The following LAPTM4B variants were observed in gnomAD, a reference collection of about 807,000 sequenced individuals.
LAPTM4B encodes the protein lysosomal protein transmembrane 4 beta.
In LAPTM4B, 26 loss-of-function variants were observed where a neutral mutation model predicts 28.5. The observed-to-expected ratio is 0.91, with a 90% CI of 0.67 to 1.27. LAPTM4B has a LOEUF of 1.27. Ranked by LOEUF, LAPTM4B falls within the 50% of genes most tolerant of loss-of-function variation. The pLI is 0.00. For missense variants in LAPTM4B, 288 were observed against 285.8 expected (o/e 1.01, Z -0.06); for synonymous variants, 109 against 106.4 (o/e 1.02, Z -0.15).
At chr8:97,776,129 C>T in intron 1 of LAPTM4B, 21 bp downstream of exon 1, 1 of 1,487,894 alleles carries the variant, frequency 6.7e-7, no homozygotes, top group Non-Finnish European at 9.1e-7. Context: ...CGCGCCCGGC[C>T]CGGGACCCTG....
intron 6 of LAPTM4B, among the ~76,000 whole-genome samples, chr8:97,839,594 A>G (rs542859915): frequency 6.6e-6 from 1 of 152,310 alleles, no homozygotes; most frequent in South Asian, 2.1e-4. Context: ...AGAAGACTAC[A>G]CGAGCACTTG....
chr8:97,776,214 A>G, intron 1 of LAPTM4B, 106 bp downstream of exon 1: 2 of 1,248,906 alleles, frequency 1.6e-6, no homozygotes, highest in Non-Finnish European at 1.0e-6. Flanking sequence ...ATCCGCCTAA[A>G]GTTGTATTAT....
intron 1 of LAPTM4B, among the ~76,000 whole-genome samples, chr8:97,784,809 T>C (rs1306437926): frequency 6.6e-6 from 1 of 152,142 alleles, no homozygotes; most frequent in East Asian, 1.9e-4. Flanking sequence ...GGCAGTATGT[T>C]ATATATAGCT....
At chr8:97,826,729 G>A (rs142559493) in intron 6 of LAPTM4B, among the ~76,000 whole-genome samples, 171 of 152,182 alleles carry the variant, frequency 1.1e-3, no homozygotes, top group African/African-American at 3.8e-3. Flanking sequence ...GATTGGTCTC[G>A]AACTCCTGAC....
At chr8:97,793,948 C>A (rs2468014) in intron 1 of LAPTM4B, among the ~76,000 whole-genome samples, 58,755 of 151,998 alleles carry the variant, frequency 0.39, 13,496 homozygotes, top group Non-Finnish European at 0.52. Context: ...GCTAGGACTG[C>A]AGGCATACAC....
At chr8:97,828,726 G>C (rs1817131670) in intron 6 of LAPTM4B, among the ~76,000 whole-genome samples, 1 of 152,194 alleles carries the variant, frequency 6.6e-6, no homozygotes, top group African/African-American at 2.4e-5. Context: ...CTTGGGATTG[G>C]AGGACAGAAA....
intron 6 of LAPTM4B, among the ~76,000 whole-genome samples, chr8:97,827,124 T>TA (rs1468420651): frequency 6.6e-6 from 1 of 152,208 alleles, no homozygotes; most frequent in East Asian, 1.9e-4. Context: ...GAGGAGGCGA[T>TA]ACATAGGTTT....
rs1278812629 is a variant in LAPTM4B at position 97,828,385 on chromosome 8, T to G, written c.603+3232T>G. ...TCGAATTTAGTGATTAGTAATAGCT[T>G]GGATGCTGTTTTGTATGAACAGAGA... On this transcript the variant is annotated intron_variant, in intron 6 of 6. Transcript: ENST00000521545. 3.3e-5 allele frequency among the ~76,000 whole-genome samples: 5 copies of G among 152,062 alleles called. No homozygotes were observed. In the South Asian group the frequency reaches 1.0e-3, roughly 32 times the overall value.
intron 1 of LAPTM4B, among the ~76,000 whole-genome samples, chr8:97,786,419 C>A (rs377051264): frequency 9.1e-5 from 7 of 77,028 alleles, no homozygotes; most frequent in African/African-American, 1.8e-4. Context: ...AAAAAAAAAA[C>A]AAGGCCGGGT....
intron 1 of LAPTM4B, among the ~76,000 whole-genome samples, chr8:97,800,484 C>CTTTTTTTTTTTTTTTTTTTTTTTTTTTT (rs546425169): frequency 2.9e-5 from 2 of 69,326 alleles, no homozygotes; most frequent in African/African-American, 1.5e-4. Context: ...CCCTTGACCT[C>CTTTTTTTTTTTTTTTTTTTTTTTTTTTT]TTTTTTTTTT....
intron 1 of LAPTM4B, among the ~76,000 whole-genome samples, chr8:97,796,042 C>T (rs973543646): frequency 9.3e-4 from 61 of 65,670 alleles, no homozygotes; most frequent in African/African-American, 2.9e-3. Context: ...CGGGCTCAAG[C>T]GATCCTCTTG....
At chr8:97,850,110 C>T (rs1027338610) in intron 6 of LAPTM4B, among the ~76,000 whole-genome samples, 4 of 151,844 alleles carry the variant, frequency 2.6e-5, no homozygotes, top group Non-Finnish European at 4.4e-5. Context: ...CCCTGAGTGC[C>T]GTACTTCAAT....
rs1278979691 is a variant in LAPTM4B, at chr8:97,775,819, C to T, written c.-191C>T. 1.9e-6 allele frequency: 3 copies of T among 1,560,126 alleles called. No homozygotes were observed. Among genetic ancestry groups the T allele is most frequent in the African/African-American group, 1.4e-5 (1 of 73,998 alleles). On this transcript the variant is annotated 5_prime_UTR_variant, in exon 1 of 7. Coordinates refer to ENST00000521545, the MANE Select transcript of LAPTM4B (RefSeq NM_018407.6). The stretch of plus-strand genomic sequence containing the variant: ...GCCGCTGCAGCGGTCGCCTTCGGAG[C>T]GAAGGGTACCGACCCGGCAGAAGCT...
At chr8:97,795,027 A>G (rs1464480072) in intron 1 of LAPTM4B, among the ~76,000 whole-genome samples, 5 of 152,240 alleles carry the variant, frequency 3.3e-5, no homozygotes, top group African/African-American at 9.6e-5. Flanking sequence ...AATAACTTTT[A>G]GAAAAAATTT....
chr8:97,785,760 T>G (rs1816389538), intron 1 of LAPTM4B, among the ~76,000 whole-genome samples: 1 of 152,188 alleles, frequency 6.6e-6, no homozygotes, highest in African/African-American at 2.4e-5. Flanking sequence ...ATTAGGTTAA[T>G]TTGCAGCTGC....
chr8:97,809,593 G>T (rs1816798167), intron 2 of LAPTM4B, among the ~76,000 whole-genome samples: 1 of 152,152 alleles, frequency 6.6e-6, no homozygotes, highest in South Asian at 2.1e-4. Flanking sequence ...CCAGCTACTT[G>T]GAAGGCTGAG....
intron 1 of LAPTM4B, among the ~76,000 whole-genome samples, chr8:97,785,942 A>G (rs1248583427): frequency 1.3e-5 from 2 of 152,232 alleles, no homozygotes; most frequent in Non-Finnish European, 2.9e-5. Context: ...TTAAGTTAAC[A>G]TGAGTTTTGT....
intron 6 of LAPTM4B, among the ~76,000 whole-genome samples, chr8:97,838,912 G>T (rs1255194459): frequency 6.6e-6 from 1 of 152,120 alleles, no homozygotes; most frequent in Non-Finnish European, 1.5e-5. Context: ...GCATACCAGG[G>T]CAGCTGCTTA....
At chr8:97,815,303 G>T (rs7818775) in intron 2 of LAPTM4B, 25 bp from the exon 3 acceptor site, 2 of 1,603,176 alleles carry the variant, frequency 1.2e-6, no homozygotes, top group African/African-American at 2.7e-5. Context: ...CTTTTTTAAA[G>T]AAATTCTTTT....
Sources: allele counts gnomAD v4.1 joint callset (sites outside exome capture counted in the v4.1 genomes callset), GRCh38; gene constraint gnomAD v4.1.1; transcripts MANE v1.5; gene names NCBI Gene and HGNC (gene_info 2026-07-23, HGNC 2026-07-21).